The following ZDHHC17 variants were observed in gnomAD, a reference collection of about 807,000 sequenced individuals.
ZDHHC17 encodes palmitoyltransferase ZDHHC17.
In ZDHHC17, 40 loss-of-function variants were observed where a neutral mutation model predicts 90.3. That is an observed-to-expected ratio of 0.44 (90% CI 0.34 to 0.58). The LOEUF is 0.58. Among genes scored for constraint, ZDHHC17 ranks in the 20% least tolerant of loss-of-function variants. The pLI is 0.01. For synonymous variants in ZDHHC17, 235 were observed against 252.4 expected (o/e 0.93, Z 0.65); for missense variants, 614 against 780.8 (o/e 0.79, Z 2.55).
At chr12:76,816,104 C>CA in intron 7 of ZDHHC17, 85 bp downstream of exon 7, 1 of 1,162,688 alleles carries the variant, frequency 8.6e-7, no homozygotes, top group Non-Finnish European at 1.1e-6. Context: ...CATAGACTGT[C>CA]AGAGTTGAAA....
intron 6 of ZDHHC17, 77 bp downstream of exon 6, chr12:76,815,287 G>A: frequency 2.1e-6 from 2 of 950,764 alleles, no homozygotes. Flanking sequence ...GGAAAAAGCA[G>A]TTAATACTAT....
In ZDHHC17 at chr12:76,852,283, CTG is replaced by C. The variant is rs1178006228; in HGVS notation, c.*1301_*1302del. 3 of 152,540 alleles carry C rather than the reference CTG, an allele frequency of 2.0e-5. No homozygotes were observed. Among genetic ancestry groups the C allele is most frequent in the Admixed American group, 6.5e-5 (1 of 15,278 alleles). The allele number at this position is 152,540 out of a possible 1,614,324, so 9.4% of individuals were successfully genotyped here. On this transcript the variant is annotated 3_prime_UTR_variant, in exon 17 of 17. Transcript: ENST00000426126. ...GTGGTTCGAGCAACCTGTGGGAAATCTGTGAGAGGGAATGGGGTGGGAGATGT... is the reference window on the plus strand; with the variant it reads ...GTGGTTCGAGCAACCTGTGGGAAATCTGAGAGGGAATGGGGTGGGAGATGT...
chr12:76,831,134 G>A (rs942577460), intron 10 of ZDHHC17, among the ~76,000 whole-genome samples: 5 of 152,044 alleles, frequency 3.3e-5, no homozygotes, highest in Middle Eastern at 3.2e-3. Context: ...TTATTCTTAC[G>A]TGTCTGTAAA....
intron 2 of ZDHHC17, among the ~76,000 whole-genome samples, chr12:76,804,085 A>G (rs964269939): frequency 1.3e-5 from 2 of 152,220 alleles, no homozygotes; most frequent in African/African-American, 4.8e-5. Context: ...AACTCTAGCT[A>G]GTGAGCTGGC....
intron 1 of ZDHHC17, among the ~76,000 whole-genome samples, chr12:76,778,121 G>A (rs76657881): frequency 0.02 from 3,077 of 152,258 alleles, 104 homozygotes; most frequent in African/African-American, 0.071. Context: ...GGTTTTTATC[G>A]TGGTCAGCAG....
intron 1 of ZDHHC17, among the ~76,000 whole-genome samples, chr12:76,780,424 T>C (rs2137722881): frequency 1.3e-5 from 2 of 152,344 alleles, no homozygotes; most frequent in South Asian, 4.1e-4. Context: ...TTAACATCAT[T>C]AGTTTTTGGC....
chr12:76,809,217 C>A, intron 4 of ZDHHC17, 97 bp downstream of exon 4: 1 of 714,994 alleles, frequency 1.4e-6, no homozygotes, highest in Non-Finnish European at 2.1e-6. Context: ...AATAGGAGAG[C>A]TTATTATGCC....
At chr12:76,833,162 A>G (rs1182284651) in intron 10 of ZDHHC17, among the ~76,000 whole-genome samples, 3 of 152,230 alleles carry the variant, frequency 2.0e-5, no homozygotes, top group South Asian at 2.1e-4. Flanking sequence ...TTATTTCCCC[A>G]TAAAACACCT....
rs775775598 is a variant in ZDHHC17 at position 76,848,292 on chromosome 12, C to G, written c.1567C>G (p.Gln523Glu). Residue 523 changes from glutamine to glutamate, a missense_variant, in exon 15 of 17, where the codon CAG becomes GAG. Transcript: ENST00000426126. ...TKDGFWTYIT[Q>E]IATCSPWMFW... ...GGATGGATTTTGGACATACATTACT[C>G]AGATTGCCACGTGTTCACCTTGGAT... 2.5e-6 allele frequency: 4 copies of G among 1,613,900 alleles called. 1 individual carries two copies. The South Asian group carries it at 4.4e-5, about 18-fold the overall frequency.
At chr12:76,849,058 C>T (rs534033101) in intron 15 of ZDHHC17, among the ~76,000 whole-genome samples, 17 of 135,042 alleles carry the variant, frequency 1.3e-4, no homozygotes, top group South Asian at 4.7e-4. Flanking sequence ...CCGAGGTGGG[C>T]GGATCACTTG....
At chr12:76,840,151 A>G (rs2137800655) in intron 10 of ZDHHC17, 1 of 152,286 alleles carries the variant, frequency 6.6e-6, no homozygotes, top group South Asian at 2.1e-4. Context: ...TTTTGTTAAT[A>G]ATTAGATACA....
At chr12:76,810,566 C>T (rs558166100) in intron 5 of ZDHHC17, among the ~76,000 whole-genome samples, 4 of 152,100 alleles carry the variant, frequency 2.6e-5, no homozygotes, top group South Asian at 4.1e-4. Flanking sequence ...AAATTCTATG[C>T]GGATTTAGAA....
At chr12:76,820,705 T>G (rs937624459) in intron 7 of ZDHHC17, among the ~76,000 whole-genome samples, 5 of 152,184 alleles carry the variant, frequency 3.3e-5, no homozygotes, top group Admixed American at 2.0e-4. Flanking sequence ...TTTTTAAAAT[T>G]TGACGATGAA....
At chr12:76,800,668 T>G (rs915323815) in intron 2 of ZDHHC17, among the ~76,000 whole-genome samples, 1 of 152,170 alleles carries the variant, frequency 6.6e-6, no homozygotes, top group Non-Finnish European at 1.5e-5. Context: ...CCACTCTTGC[T>G]CTCCTCTGGT....
Position 76,851,034 on chromosome 12 carries a change from T to G in ZDHHC17, c.*49T>G. ...ATTGCTGAGTGGTGCCTGAAAATTG[T>G]GTCTGTCCGTGTCTTTCTCACACTC... On this transcript the variant is annotated 3_prime_UTR_variant, in exon 17 of 17. Transcript: ENST00000426126. The G allele has an allele frequency of 6.2e-7, 1 of 1,608,848 alleles. No homozygotes were observed. Among genetic ancestry groups the G allele is most frequent in the Non-Finnish European group, 8.5e-7 (1 of 1,177,366 alleles).
intron 10 of ZDHHC17, among the ~76,000 whole-genome samples, chr12:76,829,945 A>G (rs2137788686): frequency 6.6e-6 from 1 of 152,272 alleles, no homozygotes; most frequent in East Asian, 1.9e-4. Context: ...CGTCTGCCTG[A>G]GCCTCCCAAG....
intron 5 of ZDHHC17, chr12:76,813,244 GTTAC>G (rs1247643081): frequency 5.3e-6 from 2 of 377,010 alleles, no homozygotes; most frequent in East Asian, 1.6e-4. Flanking sequence ...AGTCACAATA[GTTAC>G]TTCTCATATA....
intron 15 of ZDHHC17, among the ~76,000 whole-genome samples, chr12:76,848,819 C>A (rs1323069333): frequency 2.0e-5 from 3 of 152,048 alleles, no homozygotes. Flanking sequence ...TGTCAAGTAA[C>A]CTGTCTTTAA....
chr12:76,796,091 T>C (rs1952816146), intron 1 of ZDHHC17, among the ~76,000 whole-genome samples: 2 of 152,196 alleles, frequency 1.3e-5, no homozygotes, highest in Non-Finnish European at 1.5e-5. Context: ...AAATTAGTTT[T>C]AGAACTTTCC....
Sources: allele counts gnomAD v4.1 joint callset (sites outside exome capture counted in the v4.1 genomes callset), GRCh38; gene constraint gnomAD v4.1.1; transcripts MANE v1.5; gene names NCBI Gene and HGNC (gene_info 2026-07-23, HGNC 2026-07-21).